Variants in TULP3 observed in about 807,000 individuals in gnomAD.
The protein encoded by TULP3 is TUB like protein 3, also known as tubby-related protein 3.
Under a neutral mutation model 50.7 loss-of-function variants are expected in TULP3, and 38 were observed. The observed-to-expected ratio is 0.75, with a 90% confidence interval of 0.58 to 0.98. TULP3 has a LOEUF of 0.98. TULP3 is among the 50% of genes least tolerant of loss of function. The pLI is 0.00. For synonymous variants in TULP3, 183 were observed against 196.6 expected, an observed-to-expected ratio of 0.93 and a Z score of 0.58; for missense variants, 550 against 568.0, an observed-to-expected ratio of 0.97 and a Z score of 0.32.
At chr12:2,933,375 T>C in intron 6 of TULP3, 43 bp from the exon 7 acceptor site, 4 of 1,303,328 alleles carry the variant, frequency 3.1e-6, no homozygotes, top group Non-Finnish European at 4.5e-6. Context: ...GTGGGGCAGG[T>C]TCTCTGGACT....
intron 8 of TULP3, among the ~76,000 whole-genome samples, chr12:2,937,315 C>T (rs2098201926): frequency 7.8e-6 from 1 of 127,738 alleles, no homozygotes; most frequent in African/African-American, 2.8e-5. Context: ...CTCCTGGGTT[C>T]AAGCAATTCT....
At position 2,940,296 on chromosome 12, in the gene TULP3, G is replaced by T; in HGVS notation, c.*852G>T. On this transcript the variant is annotated 3_prime_UTR_variant, in exon 11 of 11. Coordinates refer to ENST00000448120, the MANE Select transcript of TULP3 (RefSeq NM_003324.5). Reference sequence around the variant, plus strand: ...ACACTTTGTCATTATCAAGAGAGATGGCAGTATTGACCATTTAGTTTAGTT... The same window carrying T: ...ACACTTTGTCATTATCAAGAGAGATTGCAGTATTGACCATTTAGTTTAGTT... 2 of 1,446,728 alleles carry T rather than the reference G, an allele frequency of 1.4e-6. No homozygotes were observed. Among genetic ancestry groups the T allele is most frequent in the Non-Finnish European group, 1.8e-6 (2 of 1,093,514 alleles). The allele number at this position is 1,446,728 out of a possible 1,614,324, so 89.6% of individuals were successfully genotyped here.
intron 2 of TULP3, among the ~76,000 whole-genome samples, chr12:2,920,015 T>C (rs2153949516): frequency 6.6e-6 from 1 of 151,564 alleles, no homozygotes; most frequent in African/African-American, 2.4e-5. Context: ...TTCTTCCATT[T>C]ACAAAAGTAA....
rs2098203214 is a variant in TULP3 at position 2,939,139 on chromosome 12, T to C, written c.1196-172T>C. Among the ~76,000 whole-genome samples, 1 of 151,996 alleles carries C rather than the reference T, an allele frequency of 6.6e-6. No individual in the cohort carries two copies. Among genetic ancestry groups the C allele is most frequent in the African/African-American group, 2.4e-5 (1 of 41,388 alleles). On this transcript the variant is annotated intron_variant, in intron 10 of 10. Transcript: ENST00000448120. The surrounding 1 kb of genome is among the most constrained non-coding windows in gnomAD (Gnocchi z 4.0). ...TACTCAGGAGGCTGAGGTGGGAGGA[T>C]CACTTGAGCCTGGGACGGGAGGTCA... is the stretch of plus-strand genomic sequence containing the variant.
intron 1 of TULP3, among the ~76,000 whole-genome samples, chr12:2,895,902 G>A (rs952268334): frequency 8.4e-6 from 1 of 118,966 alleles, no homozygotes; most frequent in Non-Finnish European, 1.7e-5. Flanking sequence ...ACACTGGTAA[G>A]TATTAGCATA....
chr12:2,892,113 T>C (rs2098172483), intron 1 of TULP3, among the ~76,000 whole-genome samples: 1 of 152,064 alleles, frequency 6.6e-6, no homozygotes, highest in African/African-American at 2.4e-5. Context: ...TGTAAGTATT[T>C]AGTTTGATAT....
intron 2 of TULP3, among the ~76,000 whole-genome samples, chr12:2,919,833 A>T (rs1565503265): frequency 6.6e-6 from 1 of 151,008 alleles, no homozygotes; most frequent in Non-Finnish European, 1.5e-5. Flanking sequence ...GCTTTTATTC[A>T]TAGAGTTGAC....
Position 2,934,437 on chromosome 12 carries a change from C to A in TULP3, c.810-10C>A. The A allele has an allele frequency of 2.0e-6, 3 of 1,537,864 alleles. No homozygotes were observed. The highest frequency in any genetic ancestry group is 1.7e-6 in the Non-Finnish European group (2 of 1,143,042). ...CAGATCATCATGGTGACTTTTTCTC[C>A]TGACTCCAGATCCAACCTCATGGGG... is the stretch of plus-strand genomic sequence containing the variant. On this transcript the variant is annotated splice_polypyrimidine_tract_variant and intron_variant, in intron 7 of 10. Coordinates refer to ENST00000448120, the MANE Select transcript of TULP3 (RefSeq NM_003324.5).
intron 1 of TULP3, among the ~76,000 whole-genome samples, chr12:2,904,554 G>C (rs2098181114): frequency 6.6e-6 from 1 of 152,202 alleles, no homozygotes; most frequent in South Asian, 2.1e-4. Context: ...TAGTTCAAGA[G>C]AATGGTGTTC....
At chr12:2,933,337 T>G in intron 6 of TULP3, 81 bp from the exon 7 acceptor site, 1 of 838,074 alleles carries the variant, frequency 1.2e-6, no homozygotes, top group Non-Finnish European at 2.0e-6. Flanking sequence ...ACTGGCTGAA[T>G]GAATATGTAG....
chr12:2,911,112 C>G (rs1258235734), intron 2 of TULP3, among the ~76,000 whole-genome samples: 1 of 151,132 alleles, frequency 6.6e-6, no homozygotes, highest in African/African-American at 2.4e-5. Flanking sequence ...TAAGGTGGCC[C>G]TAATATTTTG....
Position 2,940,870 on chromosome 12 carries a change from C to A in TULP3, c.*1426C>A. On this transcript the variant is annotated 3_prime_UTR_variant, in exon 11 of 11. Coordinates refer to ENST00000448120, the MANE Select transcript of TULP3 (RefSeq NM_003324.5). Reference sequence around the variant, plus strand: ...CACAGCCATGCCCAGAAGCCTCACACCTCGTCACCACCACCACCCCCCACC... The same window carrying A: ...CACAGCCATGCCCAGAAGCCTCACAACTCGTCACCACCACCACCCCCCACC... 1 of 726,390 alleles carries A rather than the reference C, an allele frequency of 1.4e-6. No homozygotes were observed. Among genetic ancestry groups the A allele is most frequent in the Non-Finnish European group, 2.2e-6 (1 of 453,882 alleles). 45.0% of individuals were successfully genotyped at this position (726,390 alleles called of 1,614,324 possible). A position where few individuals can be genotyped will look rare whatever the true frequency, so the allele number is the denominator to read the frequency against.
intron 1 of TULP3, among the ~76,000 whole-genome samples, chr12:2,903,391 C>T (rs955725035): frequency 2.6e-5 from 4 of 151,404 alleles, no homozygotes; most frequent in African/African-American, 7.3e-5. Context: ...GGAGAAACCC[C>T]GTCTCCACTA....
chr12:2,922,654 A>ACT (rs1325058477), intron 4 of TULP3, among the ~76,000 whole-genome samples: 12 of 152,238 alleles, frequency 7.9e-5, no homozygotes, highest in African/African-American at 2.6e-4. Flanking sequence ...ATGGCCATAG[A>ACT]TGACTGTTTG....
At chr12:2,926,411 A>C (rs1028127262) in intron 4 of TULP3, among the ~76,000 whole-genome samples, 1 of 152,194 alleles carries the variant, frequency 6.6e-6, no homozygotes, top group African/African-American at 2.4e-5. Context: ...GAGCCCGGGA[A>C]GTTGAGGCTG....
At chr12:2,893,507 G>C (rs1039790415) in intron 1 of TULP3, among the ~76,000 whole-genome samples, 2 of 151,910 alleles carry the variant, frequency 1.3e-5, no homozygotes, top group Admixed American at 1.3e-4. Flanking sequence ...TTTTAGTAGA[G>C]AGGGGGTTTC....
chr12:2,902,488 A>G (rs1338433954), intron 1 of TULP3, among the ~76,000 whole-genome samples: 6 of 152,208 alleles, frequency 3.9e-5, no homozygotes, highest in African/African-American at 9.6e-5. Context: ...AGTGCTGATT[A>G]CAGCATCCTT....
chr12:2,903,099 T>C (rs10848726), intron 1 of TULP3, among the ~76,000 whole-genome samples: 72,342 of 151,422 alleles, frequency 0.48, 17,751 homozygotes, highest in African/African-American at 0.6. Context: ...TGACCTCAAG[T>C]GATCTCCCCA....
chr12:2,941,102 T>C lies in TULP3; in HGVS notation c.*1658T>C, dbSNP rs2098204564. The C allele has an allele frequency of 5.6e-6, 1 of 179,726 alleles. No homozygotes were observed. Among genetic ancestry groups the C allele is most frequent in the African/African-American group, 2.4e-5 (1 of 42,460 alleles). The allele number at this position is 179,726 out of a possible 1,614,324, so 11.1% of individuals were successfully genotyped here. ...TTACATAAGTCCTATTTATACCTTTTATATGTTACAGAAATAAAAGTTAAT... is the reference window on the plus strand; with the variant it reads ...TTACATAAGTCCTATTTATACCTTTCATATGTTACAGAAATAAAAGTTAAT... On this transcript the variant is annotated 3_prime_UTR_variant, in exon 11 of 11. Transcript: ENST00000448120.
Sources: allele counts gnomAD v4.1 joint callset (sites outside exome capture counted in the v4.1 genomes callset), GRCh38; gene constraint gnomAD v4.1.1; non-coding constraint Gnocchi (gnomAD v3.1); transcripts MANE v1.5; gene names NCBI Gene and HGNC (gene_info 2026-07-23, HGNC 2026-07-21).